The following GRM7 variants were observed in gnomAD, a reference collection of about 807,000 sequenced individuals.
GRM7 encodes glutamate metabotropic receptor 7.
A neutral mutation model predicts 84.5 loss-of-function variants in GRM7; 35 were observed. That is an observed-to-expected ratio of 0.41 (90% CI 0.32 to 0.55). The LOEUF (loss-of-function observed/expected upper bound fraction) is 0.55, where lower values mean the gene tolerates loss of function less well. Among genes scored for constraint, GRM7 ranks in the 20% least tolerant of loss-of-function variants. The pLI is 0.19. For missense variants in GRM7, 1,003 were observed against 1,194.6 expected, an observed-to-expected ratio of 0.84 and a Z score of 2.36; for synonymous variants, 487 against 455.1, an observed-to-expected ratio of 1.07 and a Z score of -0.89.
intron 8 of GRM7, among the ~76,000 whole-genome samples, chr3:7,677,061 A>T (rs1575620136): frequency 6.6e-6 from 1 of 152,016 alleles, no homozygotes; most frequent in Non-Finnish European, 1.5e-5. Context: ...GGAGATCAAG[A>T]CCATCCTGGC....
At chr3:7,665,270 C>T (rs967651543) in intron 8 of GRM7, among the ~76,000 whole-genome samples, 41 of 149,382 alleles carry the variant, frequency 2.7e-4, no homozygotes, top group Non-Finnish European at 5.6e-4. Flanking sequence ...CTCCCGGGTT[C>T]ACGCCATTCT....
At chr3:7,067,073 T>C (rs901200649) in intron 1 of GRM7, among the ~76,000 whole-genome samples, 1 of 151,860 alleles carries the variant, frequency 6.6e-6, no homozygotes, top group African/African-American at 2.4e-5. Flanking sequence ...TAATACTGAA[T>C]GGGAAAAGTT....
chr3:7,243,333 G>A (rs1188317558), intron 2 of GRM7, among the ~76,000 whole-genome samples: 2 of 152,028 alleles, frequency 1.3e-5, no homozygotes, highest in African/African-American at 4.8e-5. Flanking sequence ...GCTTGATTCA[G>A]TGGATCAAAC....
chr3:7,506,838 G>T (rs549676649), intron 7 of GRM7, among the ~76,000 whole-genome samples: 1 of 152,130 alleles, frequency 6.6e-6, no homozygotes, highest in Admixed American at 6.5e-5. Flanking sequence ...ACTCATGAGG[G>T]CAGAGCCAAC....
At chr3:7,053,001 A>G (rs140231105) in intron 1 of GRM7, among the ~76,000 whole-genome samples, 111 of 150,570 alleles carry the variant, frequency 7.4e-4, no homozygotes, top group Non-Finnish European at 1.4e-3. Flanking sequence ...ATTATTTTAT[A>G]TATTTCTACC....
chr3:7,328,174 T>C (rs1390198330), intron 4 of GRM7, among the ~76,000 whole-genome samples: 3 of 152,160 alleles, frequency 2.0e-5, no homozygotes, highest in Non-Finnish European at 4.4e-5. Context: ...AAAAGACATA[T>C]TTTAAAAGGC....
At chr3:6,970,266 A>G (rs1251843996) in intron 1 of GRM7, among the ~76,000 whole-genome samples, 1 of 152,098 alleles carries the variant, frequency 6.6e-6, no homozygotes, top group East Asian at 1.9e-4. Context: ...TCTGCAGTAT[A>G]ATTAGAAGCT....
At chr3:7,501,917 C>A (rs1252813279) in intron 7 of GRM7, among the ~76,000 whole-genome samples, 1 of 152,166 alleles carries the variant, frequency 6.6e-6, no homozygotes, top group Non-Finnish European at 1.5e-5. Context: ...TCATATAAAA[C>A]CTGCAGTTGA....
chr3:7,066,562 A>G (rs572600365), intron 1 of GRM7, among the ~76,000 whole-genome samples: 3 of 152,102 alleles, frequency 2.0e-5, no homozygotes, highest in East Asian at 1.9e-4. Context: ...AAAGTCCAGG[A>G]CCAGATGGAT....
intron 2 of GRM7, among the ~76,000 whole-genome samples, chr3:7,196,386 C>T (rs991479636): frequency 3.9e-5 from 6 of 152,104 alleles, no homozygotes; most frequent in African/African-American, 1.2e-4. Context: ...GACACCATGG[C>T]TCAGCCAACT....
rs548619224 is a variant in GRM7 at position 7,305,430 on chromosome 3, C to T, written c.879-1068C>T. On this transcript the variant is annotated intron_variant, in intron 3 of 9. Transcript: ENST00000357716. ...GTTACATATGTATACATGTGCCATG[C>T]TGGTGCGCTGCACCCACTAACGTGT... 4.8e-4 allele frequency among the ~76,000 whole-genome samples: 25 copies of T among 52,410 alleles called. 1 individual carries two copies. Among genetic ancestry groups the T allele is most frequent in the African/African-American group, 9.9e-4 (23 of 23,184 alleles). The allele number at this position is 52,410 out of a possible 152,430, so 34.4% of individuals were successfully genotyped here.
rs1481233722 is a variant in GRM7, at chr3:7,223,458, A to C, written c.737-75226A>C. Among the ~76,000 whole-genome samples the C allele has an allele frequency of 5.9e-5, 9 of 152,048 alleles. No homozygotes were observed. In the East Asian group the frequency reaches 1.5e-3, roughly 26 times the overall value. ...ATTTCTCATTTTATACCTGTATTTAATTTTATGGAAATCACCAGGCATAAT... is the reference window on the plus strand; with the variant it reads ...ATTTCTCATTTTATACCTGTATTTACTTTTATGGAAATCACCAGGCATAAT... On this transcript the variant is annotated intron_variant, in intron 2 of 9. Coordinates refer to ENST00000357716, the MANE Select transcript of GRM7 (RefSeq NM_000844.4).
intron 3 of GRM7, among the ~76,000 whole-genome samples, chr3:7,305,566 C>A (rs1218862964): frequency 1.2e-5 from 1 of 86,296 alleles, no homozygotes; most frequent in African/African-American, 3.4e-5. Flanking sequence ...TCTCATTGTT[C>A]AATTCCCACC....
intron 2 of GRM7, among the ~76,000 whole-genome samples, chr3:7,153,052 C>T (rs1186664724): frequency 1.3e-5 from 2 of 151,662 alleles, no homozygotes; most frequent in African/African-American, 4.8e-5. Flanking sequence ...TATCCAGCAT[C>T]AGCTGGGTGC....
At chr3:7,293,013 G>A (rs1278757962) in intron 2 of GRM7, among the ~76,000 whole-genome samples, 2 of 132,994 alleles carry the variant, frequency 1.5e-5, no homozygotes, top group Non-Finnish European at 3.1e-5. Context: ...CAGCCTGGGG[G>A]ACAAGAGCGA....
intron 5 of GRM7, among the ~76,000 whole-genome samples, chr3:7,436,010 C>A (rs1028663241): frequency 1.3e-5 from 2 of 151,362 alleles, no homozygotes; most frequent in Admixed American, 1.3e-4. Context: ...CCATGCCCGA[C>A]TAATTTTTGT....
At chr3:7,005,836 C>T (rs1411897330) in intron 1 of GRM7, among the ~76,000 whole-genome samples, 2 of 152,132 alleles carry the variant, frequency 1.3e-5, no homozygotes, top group African/African-American at 4.8e-5. Flanking sequence ...CCTATTTTTA[C>T]ACTATGTTTA....
chr3:7,198,168 A>AAAG (rs1553630538), intron 2 of GRM7, among the ~76,000 whole-genome samples: 4 of 151,090 alleles, frequency 2.6e-5, no homozygotes, highest in African/African-American at 9.8e-5. Flanking sequence ...AAAAAAAAAA[A>AAAG]AGAGAGAGAT....
chr3:7,371,290 A>T (rs1352812855), intron 4 of GRM7, among the ~76,000 whole-genome samples: 1 of 152,198 alleles, frequency 6.6e-6, no homozygotes, highest in Non-Finnish European at 1.5e-5. Flanking sequence ...GGACAACTGT[A>T]GCAGGCAGTT....
Sources: gnomAD v4.1 joint callset for allele counts (sites outside exome capture counted in the v4.1 genomes callset) on GRCh38, gnomAD v4.1.1 for gene constraint, MANE v1.5 for transcripts, NCBI Gene and HGNC (gene_info 2026-07-23, HGNC 2026-07-21) for gene names.